KLHL4: variants seen among roughly 807,000 people sequenced by gnomAD.
KLHL4 encodes kelch-like protein 4.
Under a neutral mutation model 45.8 loss-of-function variants are expected in KLHL4, and 17 were observed. The observed-to-expected ratio is 0.37, with a 90% confidence interval of 0.25 to 0.56. KLHL4 has a LOEUF of 0.56. Ranked by LOEUF, KLHL4 falls within the 20% of genes least tolerant of loss-of-function variation. KLHL4 has a pLI of 0.79. For synonymous variants in KLHL4, 224 were observed against 189.9 expected, an observed-to-expected ratio of 1.18 and a Z score of -1.47; for missense variants, 544 against 544.9, an observed-to-expected ratio of 1.00 and a Z score of 0.02.
chrX:87,535,108 G>T (rs1931401676), intron 1 of KLHL4, among the ~76,000 whole-genome samples: 1 of 111,805 alleles, frequency 8.9e-6, no homozygotes, highest in Non-Finnish European at 1.9e-5. Context: ...TGAGGATGAA[G>T]AAAATATTTG....
intron 1 of KLHL4, among the ~76,000 whole-genome samples, chrX:87,538,730 G>T (rs749323854): frequency 2.2e-4 from 24 of 110,978 alleles, no homozygotes; most frequent in African/African-American, 6.8e-4. Flanking sequence ...TTTTTGCTAT[G>T]AGTTTCACTT....
chrX:87,530,400 C>G (rs1263237654), intron 1 of KLHL4, among the ~76,000 whole-genome samples: 1 of 97,404 alleles, frequency 1.0e-5, no homozygotes, highest in Non-Finnish European at 2.1e-5. Context: ...AGGTATATCT[C>G]CCAATGCTAT....
chrX:87,562,723 A>G (rs1278536431), intron 1 of KLHL4, among the ~76,000 whole-genome samples: 2 of 109,963 alleles, frequency 1.8e-5, no homozygotes, highest in African/African-American at 3.3e-5. Flanking sequence ...ATGCCTGGCA[A>G]TAGTCACCAC....
At chrX:87,647,079 T>C (rs1480735290) in intron 9 of KLHL4, among the ~76,000 whole-genome samples, 1 of 111,651 alleles carries the variant, frequency 9.0e-6, no homozygotes, top group Non-Finnish European at 1.9e-5. Flanking sequence ...GCTAAGGACA[T>C]GAATAGACAA....
intron 1 of KLHL4, among the ~76,000 whole-genome samples, chrX:87,522,918 A>G (rs1183105132): frequency 8.9e-6 from 1 of 111,796 alleles, no homozygotes; most frequent in Admixed American, 9.5e-5. Flanking sequence ...GTATATAATT[A>G]AGTTAACATT....
chrX:87,520,781 A>G (rs1425626551), intron 1 of KLHL4, among the ~76,000 whole-genome samples: 1 of 111,833 alleles, frequency 8.9e-6, no homozygotes, highest in South Asian at 3.7e-4. Context: ...CCTTATTTCA[A>G]CCATAGCATT....
chrX:87,662,925 G>A (rs1292874766), intron 9 of KLHL4, among the ~76,000 whole-genome samples: 9 of 47,817 alleles, frequency 1.9e-4, no homozygotes, highest in African/African-American at 8.3e-4. Context: ...GCGAGACTCC[G>A]TCTCAAAAAA....
chrX:87,558,635 T>A (rs1932032322), intron 1 of KLHL4, among the ~76,000 whole-genome samples: 1 of 110,842 alleles, frequency 9.0e-6, no homozygotes, highest in African/African-American at 3.3e-5. Flanking sequence ...AATTACTTAG[T>A]CATTGTTTAT....
At chrX:87,561,792 A>G (rs1413490107) in intron 1 of KLHL4, among the ~76,000 whole-genome samples, 1 of 109,097 alleles carries the variant, frequency 9.2e-6, no homozygotes, top group East Asian at 3.0e-4. Context: ...TTTATCTTGC[A>G]ATCTGGAGAC....
intron 9 of KLHL4, among the ~76,000 whole-genome samples, chrX:87,663,983 T>G (rs1196319198): frequency 8.9e-6 from 1 of 111,822 alleles, no homozygotes; most frequent in Non-Finnish European, 1.9e-5. Flanking sequence ...TAGGCCAATA[T>G]AAAGTCAGGG....
At chrX:87,548,665 G>A (rs997876870) in intron 1 of KLHL4, among the ~76,000 whole-genome samples, 10 of 110,212 alleles carry the variant, frequency 9.1e-5, no homozygotes, top group Admixed American at 3.9e-4. Flanking sequence ...TTTTCAATTT[G>A]ATTTATTTAT....
intron 8 of KLHL4, among the ~76,000 whole-genome samples, chrX:87,634,612 T>C (rs1228397866): frequency 8.9e-6 from 1 of 112,069 alleles, no homozygotes; most frequent in East Asian, 2.8e-4. Context: ...ATATTGACTA[T>C]GCATGAAGCC....
intron 9 of KLHL4, among the ~76,000 whole-genome samples, chrX:87,640,775 G>A (rs1265996080): frequency 9.0e-6 from 1 of 111,220 alleles, no homozygotes; most frequent in African/African-American, 3.3e-5. Flanking sequence ...CCTGAGAACT[G>A]GAAGAAGACA....
At chrX:87,532,478 T>C (rs1310235594) in intron 1 of KLHL4, among the ~76,000 whole-genome samples, 22 of 107,812 alleles carry the variant, frequency 2.0e-4, no homozygotes, top group African/African-American at 7.4e-4. Context: ...AAGAAAGTCA[T>C]TGGTAGCTTG....
chrX:87,572,034 A>G (rs1932342751), intron 1 of KLHL4, among the ~76,000 whole-genome samples: 1 of 97,032 alleles, frequency 1.0e-5, no homozygotes, highest in African/African-American at 3.8e-5. Flanking sequence ...GCTACTAACA[A>G]AAATAAAAAA....
chrX:87,628,296 C>T (rs1406378369), intron 6 of KLHL4, among the ~76,000 whole-genome samples: 1 of 109,846 alleles, frequency 9.1e-6, no homozygotes, highest in African/African-American at 3.3e-5. Flanking sequence ...GTTCCTTTTT[C>T]TACACTGCCA....
intron 1 of KLHL4, among the ~76,000 whole-genome samples, chrX:87,533,211 C>T (rs2147768107): frequency 9.1e-6 from 1 of 109,383 alleles, no homozygotes; most frequent in Middle Eastern, 4.6e-3. Flanking sequence ...TGGGTATATA[C>T]CCGAAGGACT....
intron 9 of KLHL4, among the ~76,000 whole-genome samples, chrX:87,662,493 A>G (rs1924221414): frequency 8.9e-6 from 1 of 111,991 alleles, no homozygotes; most frequent in African/African-American, 3.2e-5. Flanking sequence ...GGGAGTCAGT[A>G]TTTCTACATT....
At chrX:87,620,009 C>T (rs1264870098) in intron 4 of KLHL4, among the ~76,000 whole-genome samples, 1 of 111,427 alleles carries the variant, frequency 9.0e-6, no homozygotes, top group Non-Finnish European at 1.9e-5. Flanking sequence ...TGTGAATGGG[C>T]CTCATCCAGA....
Sources: allele counts gnomAD v4.1 joint callset (sites outside exome capture counted in the v4.1 genomes callset), GRCh38; gene constraint gnomAD v4.1.1; transcripts MANE v1.5; gene names NCBI Gene and HGNC (gene_info 2026-07-23, HGNC 2026-07-21).